Variants in DLG2 observed in about 807,000 individuals in gnomAD.
The protein encoded by DLG2 is disks large homolog 2.
DLG2 carries 45 observed loss-of-function variants against 132.5 expected under a neutral mutation model. The observed-to-expected ratio is 0.34, with a 90% CI of 0.27 to 0.44. DLG2 has a LOEUF of 0.44. DLG2 is among the 20% of genes least tolerant of loss of function. The pLI is 1.00. For missense variants in DLG2, 1,045 were observed against 1,196.9 expected (o/e 0.87, Z 1.87); for synonymous variants, 424 against 419.6 (o/e 1.01, Z -0.13).
intron 15 of DLG2, among the ~76,000 whole-genome samples, chr11:83,882,867 G>A (rs1405844459): frequency 6.6e-6 from 1 of 152,164 alleles, no homozygotes; most frequent in Non-Finnish European, 1.5e-5. Context: ...AGAATTTGGA[G>A]TCTTCTTATA....
At chr11:85,621,236 C>G (rs1450349508) in intron 2 of DLG2, among the ~76,000 whole-genome samples, 1 of 151,890 alleles carries the variant, frequency 6.6e-6, no homozygotes, top group Non-Finnish European at 1.5e-5. Flanking sequence ...AAAAAAGATT[C>G]CTTTCCAAAT....
At chr11:83,974,574 A>C (rs538869583) in intron 12 of DLG2, among the ~76,000 whole-genome samples, 1 of 152,198 alleles carries the variant, frequency 6.6e-6, no homozygotes, top group South Asian at 2.1e-4. Context: ...ATATGCTAAA[A>C]TTCATTGAGA....
intron 3 of DLG2, among the ~76,000 whole-genome samples, chr11:85,399,765 T>C (rs1656065698): frequency 6.6e-6 from 1 of 152,106 alleles, no homozygotes; most frequent in Non-Finnish European, 1.5e-5. Context: ...CCTTACACCT[T>C]ATACAAAAAT....
At chr11:83,656,088 T>A (rs1283749695) in intron 18 of DLG2, among the ~76,000 whole-genome samples, 1 of 152,190 alleles carries the variant, frequency 6.6e-6, no homozygotes, top group Non-Finnish European at 1.5e-5. Flanking sequence ...TCAGGGAACA[T>A]CTTGCAGCAC....
intron 6 of DLG2, among the ~76,000 whole-genome samples, chr11:84,609,654 A>C (rs2099591909): frequency 2.0e-5 from 3 of 152,176 alleles, no homozygotes; most frequent in Admixed American, 2.0e-4. Context: ...AAATTGGAAA[A>C]TGAAACCTTT....
At chr11:83,786,627 T>C in intron 18 of DLG2, 63 bp downstream of exon 18, 1 of 1,388,852 alleles carries the variant, frequency 7.2e-7, no homozygotes. Flanking sequence ...AAATTATTAG[T>C]AATGAGGGTA....
chr11:83,500,804 G>C (rs1055967213), intron 21 of DLG2, among the ~76,000 whole-genome samples: 3 of 152,086 alleles, frequency 2.0e-5, no homozygotes, highest in African/African-American at 7.2e-5. Flanking sequence ...TTTGGAACTA[G>C]TGCAAGAGAT....
At chr11:84,478,268 G>A (rs775746971) in intron 7 of DLG2, among the ~76,000 whole-genome samples, 3 of 152,082 alleles carry the variant, frequency 2.0e-5, no homozygotes, top group Non-Finnish European at 2.9e-5. Flanking sequence ...TACTTATAAT[G>A]TGTTTACAGT....
At chr11:84,349,667 C>T (rs2098553959) in intron 7 of DLG2, among the ~76,000 whole-genome samples, 1 of 152,078 alleles carries the variant, frequency 6.6e-6, no homozygotes, top group South Asian at 2.1e-4. Context: ...ATACTTTTAT[C>T]TTCATAAATT....
intron 18 of DLG2, among the ~76,000 whole-genome samples, chr11:83,675,923 A>G (rs931986716): frequency 5.3e-5 from 8 of 152,102 alleles, no homozygotes; most frequent in African/African-American, 1.9e-4. Context: ...CCTTCATTCC[A>G]TTATGTTATG....
chr11:84,363,669 T>C (rs1163151581), intron 7 of DLG2, among the ~76,000 whole-genome samples: 1 of 151,886 alleles, frequency 6.6e-6, no homozygotes, highest in Non-Finnish European at 1.5e-5. Context: ...CTTTAATCCA[T>C]CTTGAACTGA....
In DLG2 at chr11:83,548,881, G is replaced by T. The variant is rs149347323; in HGVS notation, c.1941-7023C>A. 6.5e-4 allele frequency among the ~76,000 whole-genome samples: 99 copies of T among 152,238 alleles called. No individual in the cohort carries two copies. The Middle Eastern group carries it at 0.01, about 16-fold the overall frequency. On this transcript the variant is annotated intron_variant, in intron 19 of 27. Transcript: ENST00000376104. ...AAGCCTACAGCTTCTAGTCTTGAGT[G>T]GGAATATGTCTTATCTCCTTTACTA... is the stretch of plus-strand genomic sequence containing the variant.
At chr11:84,198,124 C>T (rs1274554915) in intron 8 of DLG2, among the ~76,000 whole-genome samples, 1 of 151,998 alleles carries the variant, frequency 6.6e-6, no homozygotes, top group Admixed American at 6.6e-5. Flanking sequence ...GCCTTGAAAA[C>T]TAATTTAAGC....
rs2095566538 is a variant in DLG2, at chr11:83,524,827, A to G, written c.2193+7881T>C. 1.3e-5 allele frequency among the ~76,000 whole-genome samples: 2 copies of G among 152,142 alleles called. 1 individual carries two copies. Among genetic ancestry groups the G allele is most frequent in the South Asian group, 4.1e-4 (2 of 4,832 alleles). On this transcript the variant is annotated intron_variant, in intron 21 of 27. Coordinates refer to ENST00000376104, the MANE Select transcript of DLG2 (RefSeq NM_001142699.3). ...TTTTCATCTTTTTACACCTGATTAG[A>G]TTTTACTGATTCTTCAAGGCTCATT...
chr11:84,292,096 G>C (rs17147151), intron 7 of DLG2, among the ~76,000 whole-genome samples: 24,983 of 152,018 alleles, frequency 0.16, 2,286 homozygotes, highest in African/African-American at 0.23. Context: ...GGCCATATTG[G>C]TTGGAAGTCT....
chr11:83,485,797 T>C (rs1250064627), intron 21 of DLG2, among the ~76,000 whole-genome samples: 3 of 152,132 alleles, frequency 2.0e-5, no homozygotes, highest in Non-Finnish European at 4.4e-5. Context: ...ATATCCATTT[T>C]GGTAACCATG....
intron 8 of DLG2, among the ~76,000 whole-genome samples, chr11:84,214,386 TTA>T: frequency 6.6e-6 from 1 of 150,806 alleles, no homozygotes; most frequent in African/African-American, 2.4e-5. Flanking sequence ...TAAATATGTT[TTA>T]TATATGTGTA....
intron 7 of DLG2, among the ~76,000 whole-genome samples, chr11:84,278,344 A>G (rs922066322): frequency 1.3e-5 from 2 of 152,048 alleles, no homozygotes; most frequent in East Asian, 1.9e-4. Flanking sequence ...AAATCATCCC[A>G]CTAAGAGAAC....
intron 19 of DLG2, among the ~76,000 whole-genome samples, chr11:83,628,470 G>T (rs1188355734): frequency 6.6e-6 from 1 of 152,158 alleles, no homozygotes; most frequent in Non-Finnish European, 1.5e-5. Context: ...TGCTCATGTT[G>T]TCTAGCTGTG....
Sources: gnomAD v4.1 joint callset for allele counts (sites outside exome capture counted in the v4.1 genomes callset) on GRCh38, gnomAD v4.1.1 for gene constraint, MANE v1.5 for transcripts, NCBI Gene and HGNC (gene_info 2026-07-23, HGNC 2026-07-21) for gene names.